The following PHACTR1 variants were observed in gnomAD, a reference collection of about 807,000 sequenced individuals.
The protein encoded by PHACTR1 is phosphatase and actin regulator 1, also known as RPEL repeat containing 1.
In PHACTR1, 16 loss-of-function variants were observed where a neutral mutation model predicts 69.2. The ratio of observed to expected loss-of-function variants is 0.23; its 90% CI spans 0.16 to 0.35. The LOEUF (loss-of-function observed/expected upper bound fraction) is 0.35, where lower values mean the gene tolerates loss of function less well. PHACTR1 is among the 10% of genes least tolerant of loss of function. The pLI is 1.00. For missense variants in PHACTR1, 510 were observed against 734.7 expected, an observed-to-expected ratio of 0.69 and a Z score of 3.54; for synonymous variants, 312 against 284.5, an observed-to-expected ratio of 1.10 and a Z score of -0.97.
Position 13,059,458 on chromosome 6 carries a change from TCACACA to T in PHACTR1, c.415+5960_415+5965del, listed in dbSNP as rs57652223. ...GTAGATTTTATGTTAAATGTTCTTA[TCACACA>T]CACACACACACACACACACACACAC... On this transcript the variant is annotated intron_variant, in intron 5 of 14. Coordinates refer to ENST00000332995, the MANE Select transcript of PHACTR1 (RefSeq NM_030948.6). 8.2e-3 allele frequency among the ~76,000 whole-genome samples: 1,208 copies of T among 147,950 alleles called. 7 individuals carry two copies. Among genetic ancestry groups the T allele is most frequent in the African/African-American group, 0.022 (869 of 40,054 alleles).
intron 4 of PHACTR1, among the ~76,000 whole-genome samples, chr6:12,909,587 A>G (rs886628266): frequency 3.3e-5 from 5 of 152,240 alleles, no homozygotes; most frequent in Non-Finnish European, 7.3e-5. Flanking sequence ...AATGATTGTT[A>G]TGAGTAGGTG....
intron 4 of PHACTR1, among the ~76,000 whole-genome samples, chr6:12,898,347 C>G (rs1011488188): frequency 1.4e-5 from 2 of 142,092 alleles, no homozygotes; most frequent in Non-Finnish European, 3.2e-5. Flanking sequence ...CCACTTCATT[C>G]GAGCTTGCCC....
intron 4 of PHACTR1, among the ~76,000 whole-genome samples, chr6:12,793,002 C>A (rs1772528386): frequency 6.6e-6 from 1 of 152,084 alleles, no homozygotes; most frequent in African/African-American, 2.4e-5. Context: ...TGAGATTTGC[C>A]ATTTTAATTT....
At chr6:13,119,537 C>T (rs1818375304) in intron 5 of PHACTR1, among the ~76,000 whole-genome samples, 1 of 152,126 alleles carries the variant, frequency 6.6e-6, no homozygotes, top group South Asian at 2.1e-4. Flanking sequence ...CCCACTAGCC[C>T]AGAATAGATG....
chr6:12,975,134 G>A (rs974669625), intron 4 of PHACTR1, among the ~76,000 whole-genome samples: 2 of 152,200 alleles, frequency 1.3e-5, no homozygotes, highest in Admixed American at 6.5e-5. Context: ...GAGGTGTGGG[G>A]AAGTATGGGA....
chr6:13,286,246 T>C (rs1781677938), intron 14 of PHACTR1, 24 bp downstream of exon 14: 3 of 1,524,780 alleles, frequency 2.0e-6, no homozygotes, highest in Admixed American at 2.3e-5. Context: ...GTTTTTTTTT[T>C]CCTTTTTTTC....
At chr6:12,788,273 A>G (rs1262223389) in intron 4 of PHACTR1, among the ~76,000 whole-genome samples, 2 of 151,966 alleles carry the variant, frequency 1.3e-5, no homozygotes, top group African/African-American at 4.8e-5. Context: ...GATATTTCCA[A>G]TTTCTACCAC....
intron 4 of PHACTR1, among the ~76,000 whole-genome samples, chr6:12,762,781 G>T (rs2127613448): frequency 6.6e-6 from 1 of 152,250 alleles, no homozygotes; most frequent in Non-Finnish European, 1.5e-5. Context: ...TTTAAAAGTT[G>T]ATATATATGT....
At chr6:13,263,463 A>G (rs1258760147) in intron 10 of PHACTR1, among the ~76,000 whole-genome samples, 2 of 152,150 alleles carry the variant, frequency 1.3e-5, no homozygotes, top group Non-Finnish European at 2.9e-5. Flanking sequence ...AGTTCACTGA[A>G]TCATTTAGCC....
At position 13,016,315 on chromosome 6, in the gene PHACTR1, T is replaced by A. The variant is rs534867404; in HGVS notation, c.251-37050T>A. 1.0e-3 allele frequency among the ~76,000 whole-genome samples: 158 copies of A among 152,366 alleles called. 2 individuals are homozygous for A. Among genetic ancestry groups the A allele is most frequent in the African/African-American group, 3.5e-3 (146 of 41,590 alleles). ...TAAGGTGAGGCACACCTGTATTATG[T>A]CCAGTACCAGAAGTGTGCCTGGTTC... On this transcript the variant is annotated intron_variant, in intron 4 of 14. Transcript: ENST00000332995.
chr6:13,015,511 T>C (rs550755796), intron 4 of PHACTR1, among the ~76,000 whole-genome samples: 11 of 152,338 alleles, frequency 7.2e-5, no homozygotes, highest in African/African-American at 2.6e-4. Context: ...AGCCAGACCT[T>C]TCCCATGTAA....
At chr6:12,778,792 A>G (rs1006540780) in intron 4 of PHACTR1, among the ~76,000 whole-genome samples, 1 of 152,222 alleles carries the variant, frequency 6.6e-6, no homozygotes, top group Non-Finnish European at 1.5e-5. Context: ...TTGAAATTCA[A>G]TGCCATAAAA....
chr6:12,986,553 T>C (rs964404882), intron 4 of PHACTR1, among the ~76,000 whole-genome samples: 1 of 152,186 alleles, frequency 6.6e-6, no homozygotes, highest in East Asian at 1.9e-4. Context: ...TTGATGCCAG[T>C]TCTATGCTAG....
At chr6:12,726,694 G>C (rs867606441) in intron 3 of PHACTR1, among the ~76,000 whole-genome samples, 20 of 152,070 alleles carry the variant, frequency 1.3e-4, no homozygotes, top group African/African-American at 3.6e-4. Context: ...CTTACATATG[G>C]CTCATATCTG....
chr6:12,969,651 A>G (rs1793931480), intron 4 of PHACTR1, among the ~76,000 whole-genome samples: 1 of 152,182 alleles, frequency 6.6e-6, no homozygotes, highest in African/African-American at 2.4e-5. Context: ...ATATCAGGAG[A>G]AAATATTATC....
chr6:12,970,528 G>A (rs1794066967), intron 4 of PHACTR1, among the ~76,000 whole-genome samples: 1 of 152,212 alleles, frequency 6.6e-6, no homozygotes, highest in Non-Finnish European at 1.5e-5. Flanking sequence ...CCAGCACGTT[G>A]TGAGGCCGAG....
In PHACTR1 at chr6:13,109,856, G is replaced by GTC. The variant is rs1554130096; in HGVS notation, c.416-50347_416-50346insCT. Among the ~76,000 whole-genome samples, 163 of 150,698 alleles carry GTC rather than the reference G, an allele frequency of 1.1e-3. 1 individual carries two copies. Among genetic ancestry groups the GTC allele is most frequent in the Non-Finnish European group, 1.8e-3 (120 of 67,660 alleles). On this transcript the variant is annotated intron_variant, in intron 5 of 14. Transcript: ENST00000332995. ...AGCGTGTGTGTGTGTGTGTGTGTGT[G>GTC]TGTGTGTCTGTGTGTTTCAGTTTGG...
chr6:12,811,300 G>GC lies in PHACTR1; in HGVS notation c.250+61510_250+61511insC, dbSNP rs138330547. On this transcript the variant is annotated intron_variant, in intron 4 of 14. Transcript: ENST00000332995. The stretch of plus-strand genomic sequence containing the variant: ...CCTAAATAAATGCAATTGAAATTGG[G>GC]AAGATGTAGCACTGGGTTTATTTAA... Among the ~76,000 whole-genome samples the GC allele has an allele frequency of 5.3e-3, 813 of 152,288 alleles. 10 individuals carry two copies. Among genetic ancestry groups the GC allele is most frequent in the African/African-American group, 0.018 (760 of 41,552 alleles).
chr6:13,071,017 T>C (rs1031128369), intron 5 of PHACTR1, among the ~76,000 whole-genome samples: 2 of 151,394 alleles, frequency 1.3e-5, no homozygotes, highest in Non-Finnish European at 1.5e-5. Context: ...CTGAATCAAA[T>C]AGTTCTGGAA....
Sources: gnomAD v4.1 joint callset for allele counts (sites outside exome capture counted in the v4.1 genomes callset) on GRCh38, gnomAD v4.1.1 for gene constraint, MANE v1.5 for transcripts, NCBI Gene and HGNC (gene_info 2026-07-23, HGNC 2026-07-21) for gene names.